CDH18: variants seen among roughly 807,000 people sequenced by gnomAD.
The protein encoded by CDH18 is cadherin 18, also known as cadherin-18.
Under a neutral mutation model 67.9 loss-of-function variants are expected in CDH18, and 31 were observed. The observed-to-expected ratio is 0.46, with a 90% CI of 0.34 to 0.62. The LOEUF (loss-of-function observed/expected upper bound fraction) is 0.62, where lower values mean the gene tolerates loss of function less well. CDH18 is among the 20% of genes least tolerant of loss of function. The pLI is 0.01. For synonymous variants in CDH18, 362 were observed against 347.2 expected (o/e 1.04, Z -0.48); for missense variants, 890 against 975.5 (o/e 0.91, Z 1.17).
At chr5:20,416,946 T>A (rs931655926) in intron 1 of CDH18, among the ~76,000 whole-genome samples, 1 of 152,104 alleles carries the variant, frequency 6.6e-6, no homozygotes, top group Non-Finnish European at 1.5e-5. Context: ...CATTATAGTA[T>A]ATAGTAAAAA....
intron 1 of CDH18, among the ~76,000 whole-genome samples, chr5:20,560,656 C>A (rs1397631608): frequency 1.3e-5 from 2 of 151,998 alleles, no homozygotes; most frequent in Non-Finnish European, 2.9e-5. Context: ...ACCTTCATGA[C>A]AACTCTTCTA....
chr5:20,430,063 G>T (rs570156670), intron 1 of CDH18, among the ~76,000 whole-genome samples: 1 of 152,012 alleles, frequency 6.6e-6, no homozygotes, highest in Non-Finnish European at 1.5e-5. Context: ...AGTGAGAGGC[G>T]CAAAGAACTA....
rs527875218 is a variant in CDH18, at chr5:19,827,754, G to T, written c.228+11005C>A. On this transcript the variant is annotated intron_variant, in intron 3 of 12. Coordinates refer to ENST00000382275, the MANE Select transcript of CDH18 (RefSeq NM_004934.5). ...CATCTAAAGCAGTATTAAGAGAGAA[G>T]TTTACAGTACTAAGTGCCCACTTCA... Among the ~76,000 whole-genome samples, 13 of 152,232 alleles carry T rather than the reference G, an allele frequency of 8.5e-5. No individual in the cohort carries two copies. In the Middle Eastern group the frequency reaches 0.01, roughly 119 times the overall value.
chr5:19,613,966 T>A (rs1749416723), intron 5 of CDH18, among the ~76,000 whole-genome samples: 1 of 152,122 alleles, frequency 6.6e-6, no homozygotes, highest in South Asian at 2.1e-4. Flanking sequence ...AAGCATGTCA[T>A]CTTTAATAAA....
intron 5 of CDH18, among the ~76,000 whole-genome samples, chr5:19,627,814 T>C (rs1751783803): frequency 6.6e-6 from 1 of 152,164 alleles, no homozygotes; most frequent in Non-Finnish European, 1.5e-5. Context: ...GGGTGCTTTC[T>C]AGGCTATTTC....
chr5:19,840,829 T>C (rs940360161), intron 2 of CDH18, among the ~76,000 whole-genome samples: 1 of 152,216 alleles, frequency 6.6e-6, no homozygotes, highest in Non-Finnish European at 1.5e-5. Flanking sequence ...AAGATTACAT[T>C]GATTCACGAA....
intron 1 of CDH18, chr5:20,304,875 T>A: frequency 6.2e-7 from 1 of 1,612,044 alleles, no homozygotes; most frequent in Non-Finnish European, 8.5e-7. Flanking sequence ...TTGCTAAATA[T>A]TTCTCATAGT....
intron 1 of CDH18, among the ~76,000 whole-genome samples, chr5:20,540,770 G>A (rs1166657949): frequency 6.6e-6 from 1 of 152,204 alleles, no homozygotes. Context: ...GCCTCTGGCA[G>A]AAACTAGATT....
intron 2 of CDH18, among the ~76,000 whole-genome samples, chr5:20,101,520 C>T (rs893176493): frequency 1.3e-5 from 2 of 152,114 alleles, no homozygotes; most frequent in African/African-American, 4.8e-5. Flanking sequence ...GCATAAGAAA[C>T]GCTGCTAATT....
At chr5:19,597,864 A>G (rs1478886209) in intron 6 of CDH18, among the ~76,000 whole-genome samples, 2 of 152,142 alleles carry the variant, frequency 1.3e-5, no homozygotes, top group South Asian at 2.1e-4. Flanking sequence ...GGTTATTTAG[A>G]TTTTATGTTT....
chr5:20,379,054 C>T (rs1299434789), intron 1 of CDH18, among the ~76,000 whole-genome samples: 2 of 151,910 alleles, frequency 1.3e-5, no homozygotes, highest in African/African-American at 4.8e-5. Flanking sequence ...TGGACATTCA[C>T]CATTAACTGA....
At chr5:20,009,333 T>C (rs74449329) in intron 2 of CDH18, among the ~76,000 whole-genome samples, 5,125 of 152,150 alleles carry the variant, frequency 0.034, 254 homozygotes, top group East Asian at 0.25. Context: ...AATACATACA[T>C]GATAGTGTAT....
rs185557427 is a variant in CDH18, at chr5:20,229,889, G to C, written c.-518+25555C>G. ...TGTAAATTAATAATATGATTACAGT[G>C]TTATTTTCATTATTTATTTTCTCTA... On this transcript the variant is annotated intron_variant, in intron 2 of 14. Transcript: ENST00000507958. Among the ~76,000 whole-genome samples the C allele has an allele frequency of 1.5e-3, 234 of 152,044 alleles. 1 individual carries two copies. The highest frequency in any genetic ancestry group is 5.3e-3 in the African/African-American group (221 of 41,470).
intron 2 of CDH18, among the ~76,000 whole-genome samples, chr5:19,960,939 T>C (rs1796822490): frequency 6.6e-6 from 1 of 151,240 alleles, no homozygotes; most frequent in Non-Finnish European, 1.5e-5. Context: ...CATTATGTAG[T>C]GTACATAATT....
chr5:20,115,713 T>C (rs1466899059), intron 2 of CDH18, among the ~76,000 whole-genome samples: 1 of 152,120 alleles, frequency 6.6e-6, no homozygotes, highest in East Asian at 1.9e-4. Flanking sequence ...CCATGGGTTA[T>C]ACCATGGACA....
intron 2 of CDH18, among the ~76,000 whole-genome samples, chr5:20,223,546 A>G (rs1741389879): frequency 6.6e-6 from 1 of 152,056 alleles, no homozygotes; most frequent in Admixed American, 6.6e-5. Flanking sequence ...TGAGGGCATG[A>G]AATTTGGGAG....
chr5:19,830,781 A>C (rs751488951), intron 3 of CDH18, among the ~76,000 whole-genome samples: 1 of 152,138 alleles, frequency 6.6e-6, no homozygotes, highest in Non-Finnish European at 1.5e-5. Context: ...TTATGAAATC[A>C]ATCTAAATGC....
At position 20,241,905 on chromosome 5, in the gene CDH18, T is replaced by TATATATATACATATATATATATAA. The variant is rs369967608; in HGVS notation, c.-518+13538_-518+13539insTTATATATATATATGTATATATAT. On this transcript the variant is annotated intron_variant, in intron 2 of 14. Transcript: ENST00000507958. ...ATATATATATATGTATATATATATA[T>TATATATATACATATATATATATAA]ATATTGCTTAGTCAGAGGCACTGTG... Among the ~76,000 whole-genome samples the TATATATATACATATATATATATAA allele has an allele frequency of 9.8e-3, 1,379 of 141,396 alleles. 32 individuals carry two copies. The highest frequency in any genetic ancestry group is 0.036 in the African/African-American group (1,307 of 35,888). The allele number at this position is 141,396 out of a possible 152,430, so 92.8% of individuals were successfully genotyped here.
intron 1 of CDH18, among the ~76,000 whole-genome samples, chr5:20,491,737 G>A (rs1329205056): frequency 1.3e-5 from 2 of 152,084 alleles, no homozygotes; most frequent in African/African-American, 4.8e-5. Flanking sequence ...CTTTCCTCAA[G>A]GTCTGCTGAT....
Sources: allele counts gnomAD v4.1 joint callset (sites outside exome capture counted in the v4.1 genomes callset), GRCh38; gene constraint gnomAD v4.1.1; transcripts MANE v1.5; gene names NCBI Gene and HGNC (gene_info 2026-07-23, HGNC 2026-07-21).